Variants in RAD51B observed in about 807,000 individuals in gnomAD.
The protein encoded by RAD51B is DNA repair protein RAD51 homolog 2.
RAD51B carries 38 observed loss-of-function variants against 42.2 expected under a neutral mutation model. The observed-to-expected ratio is 0.90, with a 90% confidence interval of 0.70 to 1.18. The LOEUF (loss-of-function observed/expected upper bound fraction) is 1.18, where lower values mean the gene tolerates loss of function less well. Ranked by LOEUF, RAD51B falls within the 50% of genes most tolerant of loss-of-function variation. RAD51B has a pLI of 0.00. For synonymous variants in RAD51B, 154 were observed against 145.2 expected, an observed-to-expected ratio of 1.06 and a Z score of -0.43; for missense variants, 373 against 400.7, an observed-to-expected ratio of 0.93 and a Z score of 0.59.
intron 7 of RAD51B, among the ~76,000 whole-genome samples, chr14:68,145,953 C>T (rs900263509): frequency 4.6e-5 from 7 of 152,158 alleles, no homozygotes; most frequent in African/African-American, 1.7e-4. Flanking sequence ...TTTTCTGAAA[C>T]TTACTGAACT....
At chr14:68,137,041 C>G (rs1432828398) in intron 7 of RAD51B, among the ~76,000 whole-genome samples, 3 of 151,536 alleles carry the variant, frequency 2.0e-5, no homozygotes, top group Non-Finnish European at 1.5e-5. Context: ...TTTGGGAGGC[C>G]GAGGAGGGTA....
chr14:68,660,664 G>C (rs1346072997), intron 11 of RAD51B, among the ~76,000 whole-genome samples: 7 of 152,178 alleles, frequency 4.6e-5, no homozygotes, highest in Non-Finnish European at 7.3e-5. Flanking sequence ...TGTAAAGTGG[G>C]AACACACAGG....
chr14:68,518,620 C>T (rs1340725731), intron 10 of RAD51B, among the ~76,000 whole-genome samples: 1 of 143,628 alleles, frequency 7.0e-6, no homozygotes, highest in East Asian at 2.3e-4. Context: ...GCCTTTTCAT[C>T]CTTCTCCAGG....
chr14:68,024,990 C>G (rs2075928606), intron 7 of RAD51B, among the ~76,000 whole-genome samples: 1 of 151,898 alleles, frequency 6.6e-6, no homozygotes, highest in African/African-American at 2.4e-5. Flanking sequence ...GTGGGTTTGT[C>G]ATAGCTTTTA....
intron 7 of RAD51B, among the ~76,000 whole-genome samples, chr14:68,252,147 T>C (rs1426501872): frequency 6.6e-6 from 1 of 152,122 alleles, no homozygotes; most frequent in Non-Finnish European, 1.5e-5. Flanking sequence ...AGTATACCTA[T>C]AACCAGGCAG....
chr14:68,484,827 C>CA (rs1226930729), intron 10 of RAD51B, among the ~76,000 whole-genome samples: 2 of 152,124 alleles, frequency 1.3e-5, no homozygotes, highest in Non-Finnish European at 2.9e-5. Context: ...CTGCCCAGGG[C>CA]TACTCTCACT....
intron 7 of RAD51B, among the ~76,000 whole-genome samples, chr14:67,960,100 G>A (rs28444090): frequency 0.069 from 10,365 of 151,092 alleles, 866 homozygotes; most frequent in African/African-American, 0.2. Flanking sequence ...AAAAAAAGAA[G>A]TGTGTGTGTA....
intron 5 of RAD51B, among the ~76,000 whole-genome samples, chr14:67,865,390 C>G (rs112985507): frequency 0.027 from 4,158 of 151,646 alleles, 197 homozygotes; most frequent in African/African-American, 0.095. Flanking sequence ...GTATGCACCA[C>G]CACACCTGGC....
chr14:68,050,254 G>A (rs968219045), intron 7 of RAD51B, among the ~76,000 whole-genome samples: 7 of 149,730 alleles, frequency 4.7e-5, no homozygotes, highest in African/African-American at 1.5e-4. Context: ...CCTTTCTTCT[G>A]TTTTCTCTTT....
At chr14:68,564,474 G>T (rs771610978) in intron 10 of RAD51B, among the ~76,000 whole-genome samples, 1 of 152,206 alleles carries the variant, frequency 6.6e-6, no homozygotes, top group Non-Finnish European at 1.5e-5. Context: ...TTGTGAGAAG[G>T]AGCTGCTTGT....
chr14:68,183,924 T>C (rs1566711835), intron 7 of RAD51B, among the ~76,000 whole-genome samples: 1 of 152,060 alleles, frequency 6.6e-6, no homozygotes, highest in East Asian at 1.9e-4. Context: ...AAACCCCGTC[T>C]CTATTAAAAT....
At chr14:67,966,486 A>C (rs553313511) in intron 7 of RAD51B, among the ~76,000 whole-genome samples, 62 of 152,340 alleles carry the variant, frequency 4.1e-4, no homozygotes, top group African/African-American at 1.3e-3. Flanking sequence ...TAGTATCTTC[A>C]AAACATGTGG....
At chr14:67,867,409 A>T (rs892737071) in intron 5 of RAD51B, among the ~76,000 whole-genome samples, 2 of 152,222 alleles carry the variant, frequency 1.3e-5, no homozygotes, top group African/African-American at 2.4e-5. Flanking sequence ...AGAGAGACCT[A>T]GGGCATGCAC....
chr14:68,087,867 ATATAT>A (rs1233996202), intron 7 of RAD51B, among the ~76,000 whole-genome samples: 6 of 79,084 alleles, frequency 7.6e-5, no homozygotes, highest in East Asian at 5.5e-4. Flanking sequence ...TAATTATATA[ATATAT>A]TATTTATATA....
At chr14:68,015,946 T>A (rs1046756450) in intron 7 of RAD51B, among the ~76,000 whole-genome samples, 4 of 152,268 alleles carry the variant, frequency 2.6e-5, no homozygotes, top group Admixed American at 1.3e-4. Flanking sequence ...CATCCCTATA[T>A]CATTTTGCCT....
intron 10 of RAD51B, chr14:68,650,760 A>G (rs758014932): frequency 6.7e-6 from 5 of 750,498 alleles, no homozygotes; most frequent in South Asian, 4.1e-5. Flanking sequence ...CTTACAACCT[A>G]TTTACTTTTT....
chr14:68,424,603 A>G (rs1327001459), intron 9 of RAD51B, among the ~76,000 whole-genome samples: 2 of 151,886 alleles, frequency 1.3e-5, no homozygotes, highest in Non-Finnish European at 2.9e-5. Flanking sequence ...CCTACTTGTG[A>G]CTCCGTTCTG....
chr14:68,628,445 C>G (rs1163761549), intron 10 of RAD51B: 3 of 152,318 alleles, frequency 2.0e-5, no homozygotes, highest in Non-Finnish European at 1.5e-5. Context: ...GCCGGCGGCT[C>G]CCAGCTCCCG....
chr14:68,403,052 C>T (rs921982455), intron 8 of RAD51B, among the ~76,000 whole-genome samples: 1 of 152,204 alleles, frequency 6.6e-6, no homozygotes, highest in African/African-American at 2.4e-5. Context: ...TGCTTCAGGA[C>T]GTGAGGACAA....
Sources: allele counts gnomAD v4.1 joint callset (sites outside exome capture counted in the v4.1 genomes callset), GRCh38; gene constraint gnomAD v4.1.1; transcripts MANE v1.5; gene names NCBI Gene and HGNC (gene_info 2026-07-23, HGNC 2026-07-21).